KCNIP4: variants seen among roughly 807,000 people sequenced by gnomAD.
The protein encoded by KCNIP4 is potassium voltage-gated channel interacting protein 4.
Under a neutral mutation model 34.0 loss-of-function variants are expected in KCNIP4, and 12 were observed. The ratio of observed to expected loss-of-function variants is 0.35; its 90% confidence interval spans 0.23 to 0.57. The LOEUF (loss-of-function observed/expected upper bound fraction) is 0.57, where lower values mean the gene tolerates loss of function less well. Among genes scored for constraint, KCNIP4 ranks in the 20% least tolerant of loss-of-function variants. The probability of loss-of-function intolerance (pLI) is 0.83; values close to 1 mark genes in which losing one functional copy is unlikely to be tolerated. For missense variants in KCNIP4, 238 were observed against 311.7 expected (o/e 0.76, Z 1.78); for synonymous variants, 124 against 102.2 (o/e 1.21, Z -1.29).
At chr4:21,180,278 C>T (rs1399939758) in intron 1 of KCNIP4, among the ~76,000 whole-genome samples, 7 of 152,084 alleles carry the variant, frequency 4.6e-5, no homozygotes, top group Admixed American at 2.0e-4. Context: ...ATGAATCAAG[C>T]TTCTAGTACT....
chr4:21,468,040 C>T (rs991963879), intron 1 of KCNIP4, among the ~76,000 whole-genome samples: 5 of 152,058 alleles, frequency 3.3e-5, no homozygotes, highest in Admixed American at 6.6e-5. Context: ...TGAGAGTAAC[C>T]CTTAGGGCAA....
intron 1 of KCNIP4, among the ~76,000 whole-genome samples, chr4:21,916,050 G>A (rs1445948040): frequency 2.0e-5 from 3 of 152,174 alleles, no homozygotes; most frequent in Non-Finnish European, 2.9e-5. Context: ...GGTATAATTC[G>A]CTGTGTCCTT....
At chr4:21,247,294 CA>C (rs1357558463) in intron 1 of KCNIP4, among the ~76,000 whole-genome samples, 1 of 152,004 alleles carries the variant, frequency 6.6e-6, no homozygotes, top group Non-Finnish European at 1.5e-5. Context: ...GTTAGCCATC[CA>C]TACCAGTCAT....
intron 1 of KCNIP4, among the ~76,000 whole-genome samples, chr4:21,681,123 G>C (rs1750307355): frequency 6.6e-6 from 1 of 151,986 alleles, no homozygotes; most frequent in African/African-American, 2.4e-5. Context: ...TCACCCAGGT[G>C]GGGTGCAGTG....
chr4:20,916,988 TATATATATATATATATATATATATA>T (rs1728893216), intron 1 of KCNIP4, among the ~76,000 whole-genome samples: 458 of 30,364 alleles, frequency 0.015, 43 homozygotes, highest in African/African-American at 0.031. Context: ...CTTATGTTTA[TATATATATATATATATATATATATA>T]TATATATATA....
intron 3 of KCNIP4, 69 bp downstream of exon 3, chr4:20,850,474 C>T (rs1720891335): frequency 5.9e-6 from 9 of 1,537,624 alleles, no homozygotes; most frequent in South Asian, 5.8e-5. Context: ...TATTTTCCCC[C>T]TTTTCCTCTC....
rs187587176 is a variant in KCNIP4 at position 21,509,385 on chromosome 4, C to T, written c.61+439186G>A. On this transcript the variant is annotated intron_variant, in intron 1 of 8. Transcript: ENST00000382152. ...CATACATCCATTATAATATAAACCTCCTGCTGGAGACTTGGTATGACAATA... is the reference window on the plus strand; with the variant it reads ...CATACATCCATTATAATATAAACCTTCTGCTGGAGACTTGGTATGACAATA... 2.6e-5 allele frequency among the ~76,000 whole-genome samples: 4 copies of T among 152,244 alleles called. No homozygotes were observed. In the East Asian group the frequency reaches 5.8e-4, roughly 22 times the overall value.
At chr4:21,791,258 TTG>T (rs1294724985) in intron 1 of KCNIP4, among the ~76,000 whole-genome samples, 3 of 152,042 alleles carry the variant, frequency 2.0e-5, no homozygotes, top group Admixed American at 6.6e-5. Context: ...CTGAGTTATT[TTG>T]TGTGTGTGAG....
At chr4:20,990,717 C>T (rs1737011235) in intron 1 of KCNIP4, among the ~76,000 whole-genome samples, 1 of 152,122 alleles carries the variant, frequency 6.6e-6, no homozygotes, top group African/African-American at 2.4e-5. Context: ...TTTTCCCAGC[C>T]TTTGTGGCCT....
chr4:21,897,902 T>C (rs1224035201), intron 1 of KCNIP4, among the ~76,000 whole-genome samples: 1 of 152,138 alleles, frequency 6.6e-6, no homozygotes, highest in Non-Finnish European at 1.5e-5. Flanking sequence ...CACCACTCCA[T>C]CACCATCCCC....
chr4:21,156,322 G>A (rs2109262179), intron 1 of KCNIP4, among the ~76,000 whole-genome samples: 1 of 152,252 alleles, frequency 6.6e-6, no homozygotes, highest in Non-Finnish European at 1.5e-5. Context: ...ACCAATGAAT[G>A]TGAACAGGAA....
chr4:21,076,834 T>G (rs1387252756), intron 1 of KCNIP4, among the ~76,000 whole-genome samples: 4 of 152,036 alleles, frequency 2.6e-5, no homozygotes. Flanking sequence ...TAAAAAGAAG[T>G]GTTGGGGGCT....
chr4:21,543,419 AT>A (rs1194411119), intron 1 of KCNIP4, among the ~76,000 whole-genome samples: 3 of 151,134 alleles, frequency 2.0e-5, no homozygotes, highest in South Asian at 2.1e-4. Flanking sequence ...TTAAGCATGT[AT>A]TTTTTTTTCA....
chr4:21,146,574 G>A lies in KCNIP4; in HGVS notation c.62-263865C>T, dbSNP rs76972401. Among the ~76,000 whole-genome samples, 312 of 152,264 alleles carry A rather than the reference G, an allele frequency of 2.0e-3. 4 individuals are homozygous for A. Among genetic ancestry groups the A allele is most frequent in the African/African-American group, 7.2e-3 (298 of 41,550 alleles). On this transcript the variant is annotated intron_variant, in intron 1 of 8. Coordinates refer to ENST00000382152, the MANE Select transcript of KCNIP4 (RefSeq NM_025221.6). ...TAAAGTGATGAGAACAAATCTTCCTGTCACTTTATGTCACAGTCATACAGT... is the reference window on the plus strand; with the variant it reads ...TAAAGTGATGAGAACAAATCTTCCTATCACTTTATGTCACAGTCATACAGT...
In KCNIP4 at chr4:21,220,047, A is replaced by C. The variant is rs75271787; in HGVS notation, c.62-337338T>G. Among the ~76,000 whole-genome samples the C allele has an allele frequency of 8.1e-3, 1,239 of 152,302 alleles. 87 individuals are homozygous for C. In the East Asian group the frequency reaches 0.17, roughly 21 times the overall value. On this transcript the variant is annotated intron_variant, in intron 1 of 8. Coordinates refer to ENST00000382152, the MANE Select transcript of KCNIP4 (RefSeq NM_025221.6). ...TGAAAAATAGTGTCCAAGAATAATG[A>C]AACACAAAGAAGTTATTAATTATTT...
intron 1 of KCNIP4, among the ~76,000 whole-genome samples, chr4:21,643,088 A>G (rs1470740186): frequency 1.3e-5 from 2 of 152,208 alleles, no homozygotes; most frequent in Non-Finnish European, 1.5e-5. Context: ...CGATGTAACC[A>G]GTACAGAAAT....
intron 1 of KCNIP4, among the ~76,000 whole-genome samples, chr4:21,244,369 AG>A (rs1760056022): frequency 6.6e-6 from 1 of 152,192 alleles, no homozygotes; most frequent in South Asian, 2.1e-4. Flanking sequence ...CTCCTAAAAC[AG>A]TTTCATTATA....
At chr4:21,664,529 G>A (rs988196830) in intron 1 of KCNIP4, among the ~76,000 whole-genome samples, 5 of 152,122 alleles carry the variant, frequency 3.3e-5, no homozygotes, top group African/African-American at 1.2e-4. Context: ...CTTATGGTGA[G>A]TTAAAGAGTT....
intron 1 of KCNIP4, among the ~76,000 whole-genome samples, chr4:21,247,578 C>CATATATATATATATAT (rs368574338): frequency 0.018 from 2,411 of 133,782 alleles, 83 homozygotes; most frequent in South Asian, 0.1. Context: ...GATATAAATA[C>CATATATATATATATAT]ATATATATAT....
Sources: allele counts gnomAD v4.1 joint callset (sites outside exome capture counted in the v4.1 genomes callset), GRCh38; gene constraint gnomAD v4.1.1; transcripts MANE v1.5; gene names NCBI Gene and HGNC (gene_info 2026-07-23, HGNC 2026-07-21).